The following PHACTR1 variants were observed in gnomAD, a reference collection of about 807,000 sequenced individuals.
The protein encoded by PHACTR1 is RPEL repeat containing 1.
In PHACTR1, 16 loss-of-function variants were observed where a neutral mutation model predicts 69.2. The observed-to-expected ratio is 0.23, with a 90% CI of 0.16 to 0.35. The LOEUF is 0.35. Among genes scored for constraint, PHACTR1 ranks in the 10% least tolerant of loss-of-function variants. The probability of loss-of-function intolerance (pLI) is 1.00; values close to 1 mark genes in which losing one functional copy is unlikely to be tolerated. For missense variants in PHACTR1, 510 were observed against 734.7 expected (o/e 0.69, Z 3.54); for synonymous variants, 312 against 284.5 (o/e 1.10, Z -0.97).
chr6:12,834,164 A>G (rs1777891605), intron 4 of PHACTR1, among the ~76,000 whole-genome samples: 1 of 152,148 alleles, frequency 6.6e-6, no homozygotes, highest in African/African-American at 2.4e-5. Flanking sequence ...ATTTGACAAG[A>G]CTTTACTTAT....
At chr6:12,798,464 T>C (rs1374030926) in intron 4 of PHACTR1, among the ~76,000 whole-genome samples, 2 of 152,146 alleles carry the variant, frequency 1.3e-5, no homozygotes, top group African/African-American at 4.8e-5. Flanking sequence ...GTAGTGGATA[T>C]TGGAAAGGCA....
chr6:13,123,935 C>A (rs902880848), intron 5 of PHACTR1, among the ~76,000 whole-genome samples: 3 of 152,062 alleles, frequency 2.0e-5, no homozygotes, highest in African/African-American at 4.8e-5. Flanking sequence ...AGATGAAGAA[C>A]CCTGCACCCG....
intron 4 of PHACTR1, among the ~76,000 whole-genome samples, chr6:12,879,958 A>G (rs1333108317): frequency 1.3e-5 from 2 of 152,198 alleles, no homozygotes; most frequent in African/African-American, 2.4e-5. Flanking sequence ...ATAGATCACT[A>G]GTAAAAGGAT....
intron 4 of PHACTR1, among the ~76,000 whole-genome samples, chr6:12,955,800 A>T (rs768540229): frequency 1.3e-5 from 2 of 152,142 alleles, no homozygotes; most frequent in African/African-American, 4.8e-5. Context: ...TCTCATGTCT[A>T]TCTGGGTTTT....
chr6:13,010,816 T>C (rs1799368460), intron 4 of PHACTR1, among the ~76,000 whole-genome samples: 1 of 150,876 alleles, frequency 6.6e-6, no homozygotes, highest in Non-Finnish European at 1.5e-5. Context: ...ATCAACTTGG[T>C]TAAAAAAAAA....
chr6:13,031,513 T>A (rs10807388), intron 4 of PHACTR1, among the ~76,000 whole-genome samples: 70,452 of 152,008 alleles, frequency 0.46, 19,017 homozygotes, highest in East Asian at 0.83. Context: ...AGATGAGGGG[T>A]GATACAATTT....
At chr6:13,037,686 A>G (rs1803512283) in intron 4 of PHACTR1, among the ~76,000 whole-genome samples, 1 of 152,210 alleles carries the variant, frequency 6.6e-6, no homozygotes, top group Non-Finnish European at 1.5e-5. Context: ...CGTTAAGAGC[A>G]AGGAGGACCC....
At chr6:13,149,628 C>G (rs1443233308) in intron 5 of PHACTR1, among the ~76,000 whole-genome samples, 1 of 152,078 alleles carries the variant, frequency 6.6e-6, no homozygotes, top group Non-Finnish European at 1.5e-5. Context: ...GCTAAAGTTC[C>G]TACTGTGATC....
At chr6:12,912,955 A>G (rs915511744) in intron 4 of PHACTR1, among the ~76,000 whole-genome samples, 1 of 152,204 alleles carries the variant, frequency 6.6e-6, no homozygotes, top group Non-Finnish European at 1.5e-5. Context: ...ACCCTGTCTC[A>G]AAACAAACAA....
At chr6:13,084,716 A>T (rs980748238) in intron 5 of PHACTR1, among the ~76,000 whole-genome samples, 1 of 152,052 alleles carries the variant, frequency 6.6e-6, no homozygotes, top group Non-Finnish European at 1.5e-5. Context: ...TATCCTACAT[A>T]ACAATGTATA....
chr6:12,804,664 G>A (rs1774096719), intron 4 of PHACTR1, among the ~76,000 whole-genome samples: 1 of 152,120 alleles, frequency 6.6e-6, no homozygotes, highest in Admixed American at 6.6e-5. Flanking sequence ...TCTACAAAAA[G>A]CACAAAAATT....
chr6:12,872,607 A>G (rs1333196925), intron 4 of PHACTR1, among the ~76,000 whole-genome samples: 1 of 152,214 alleles, frequency 6.6e-6, no homozygotes, highest in Non-Finnish European at 1.5e-5. Flanking sequence ...TTAAATTTCA[A>G]AAAGGAGAAA....
chr6:13,253,975 C>A (rs1774844766), intron 10 of PHACTR1, among the ~76,000 whole-genome samples: 1 of 152,158 alleles, frequency 6.6e-6, no homozygotes, highest in Admixed American at 6.5e-5. Context: ...TGCCTGTAAT[C>A]CCAGCATTTT....
intron 5 of PHACTR1, among the ~76,000 whole-genome samples, chr6:13,128,930 AC>A (rs1378923718): frequency 6.6e-6 from 1 of 152,114 alleles, no homozygotes; most frequent in Admixed American, 6.5e-5. Flanking sequence ...TAAAGGAAAA[AC>A]CCATCAGATT....
At chr6:13,237,144 A>G (rs761203102) in intron 10 of PHACTR1, among the ~76,000 whole-genome samples, 1 of 152,182 alleles carries the variant, frequency 6.6e-6, no homozygotes, top group Non-Finnish European at 1.5e-5. Context: ...TGGGGGGCCA[A>G]AGTAGAAGGA....
At chr6:13,158,721 C>G (rs987830231) in intron 5 of PHACTR1, among the ~76,000 whole-genome samples, 2 of 152,196 alleles carry the variant, frequency 1.3e-5, no homozygotes, top group Admixed American at 1.3e-4. Context: ...CAGTGTTTTC[C>G]CAGTGTGGCA....
At chr6:12,747,868 A>T (rs1766007772) in intron 3 of PHACTR1, among the ~76,000 whole-genome samples, 1 of 152,108 alleles carries the variant, frequency 6.6e-6, no homozygotes, top group Non-Finnish European at 1.5e-5. Context: ...GATGGGAAAG[A>T]CAGGTTGTAG....
chr6:13,086,893 T>TA (rs1812406676), intron 5 of PHACTR1, among the ~76,000 whole-genome samples: 4 of 152,222 alleles, frequency 2.6e-5, no homozygotes, highest in African/African-American at 9.6e-5. Flanking sequence ...AACAAGGTGA[T>TA]AGAGTTTCAG....
At chr6:12,944,664 C>T (rs977892805) in intron 4 of PHACTR1, among the ~76,000 whole-genome samples, 1 of 152,092 alleles carries the variant, frequency 6.6e-6, no homozygotes, top group African/African-American at 2.4e-5. Context: ...TTCTGAACAC[C>T]CACTTTGCAA....
Sources: allele counts gnomAD v4.1 joint callset (sites outside exome capture counted in the v4.1 genomes callset), GRCh38; gene constraint gnomAD v4.1.1; transcripts MANE v1.5; gene names NCBI Gene and HGNC (gene_info 2026-07-23, HGNC 2026-07-21).